Variants in EML6 observed in about 807,000 individuals in gnomAD.
The protein encoded by EML6 is EMAP like 6.
A neutral mutation model predicts 240.1 loss-of-function variants in EML6; 154 were observed. The observed-to-expected ratio is 0.64, with a 90% CI of 0.56 to 0.73. The LOEUF (loss-of-function observed/expected upper bound fraction) is 0.73. Among genes scored for constraint, EML6 ranks in the 30% least tolerant of loss-of-function variants. The pLI is 0.00. For missense variants in EML6, 2,964 were observed against 2,474.6 expected (o/e 1.20, Z -4.20); for synonymous variants, 1,148 against 899.0 (o/e 1.28, Z -4.95).
In EML6 at chr2:54,938,862, C is replaced by T. The variant is rs562270899; in HGVS notation, c.4005-10020C>T. 6.6e-5 allele frequency among the ~76,000 whole-genome samples: 10 copies of T among 152,198 alleles called. No individual in the cohort carries two copies. In the East Asian group the frequency reaches 1.2e-3, roughly 18 times the overall value. On this transcript the variant is annotated intron_variant, in intron 28 of 41. Transcript: ENST00000356458. ...TTTCTGAGGGCTTTATTTTTGGTTT[C>T]CGTATTATCTCATTTCTGTTGGTGG...
intron 26 of EML6, among the ~76,000 whole-genome samples, chr2:54,919,090 G>A (rs1284197491): frequency 2.6e-5 from 4 of 152,082 alleles, no homozygotes; most frequent in African/African-American, 4.8e-5. Flanking sequence ...CTGTGGTCAC[G>A]TTTGAAGGCA....
chr2:54,947,511 C>A (rs1191286992), intron 28 of EML6, among the ~76,000 whole-genome samples: 1 of 152,070 alleles, frequency 6.6e-6, no homozygotes, highest in Non-Finnish European at 1.5e-5. Context: ...AAAAGAACCC[C>A]CGCAAGCCAT....
Position 54,861,774 on chromosome 2 carries a change from T to G in EML6, c.1826-2009T>G, listed in dbSNP as rs374416348. On this transcript the variant is annotated intron_variant, in intron 12 of 41. Coordinates refer to ENST00000356458, the MANE Select transcript of EML6 (RefSeq NM_001039753.4). The stretch of plus-strand genomic sequence containing the variant: ...GAGATAGGGAGAGGTTTTTTGTTTT[T>G]TTTTTTTTTTTAATCTAATGCACAG... 5.2e-3 allele frequency among the ~76,000 whole-genome samples: 776 copies of G among 150,290 alleles called. 5 individuals are homozygous for G. Among genetic ancestry groups the G allele is most frequent in the Middle Eastern group, 0.031 (9 of 292 alleles).
rs771937819 is a variant in EML6 at position 54,850,197 on chromosome 2, C to G, written c.1423C>G (p.Arg475Gly). The change falls in exon 10 of 42, where the codon CGA (arginine) becomes GGA (glycine). Residue 475 changes from arginine to glycine, a missense_variant. Arg to Gly is a moderately radical substitution (Grantham distance 125). Coordinates refer to ENST00000356458, the MANE Select transcript of EML6 (RefSeq NM_001039753.4). ...YLQTNDGAGE[R>G]LFYRMPSGKP... ...ACAAACTAATGACGGTGCAGGAGAA[C>G]GATTGTTCTACAGAATGCCATGTAA... 2.6e-6 allele frequency: 4 copies of G among 1,551,432 alleles called. No individual in the cohort carries two copies. The highest frequency in any genetic ancestry group is 3.5e-6 in the Non-Finnish European group (4 of 1,146,930).
intron 40 of EML6, among the ~76,000 whole-genome samples, 185 bp from the exon 41 acceptor site, chr2:54,968,483 G>C (rs1018528553): frequency 1.3e-4 from 20 of 152,182 alleles, no homozygotes; most frequent in African/African-American, 2.4e-4. Context: ...AAAATGACCT[G>C]AAGTGGGGCA....
intron 26 of EML6, among the ~76,000 whole-genome samples, chr2:54,926,238 A>AT: frequency 6.6e-6 from 1 of 152,200 alleles, no homozygotes; most frequent in East Asian, 1.9e-4. Context: ...AGTAGCTTGG[A>AT]TTACAGGCAT....
Position 54,892,568 on chromosome 2 carries a change from G to A in EML6, c.2654G>A (p.Gly885Glu). 2 of 1,551,600 alleles carry A rather than the reference G, an allele frequency of 1.3e-6. No homozygotes were observed. The highest frequency in any genetic ancestry group is 1.7e-6 in the Non-Finnish European group (2 of 1,146,794). The change falls in exon 19 of 42, where the codon GGA becomes GAA. Residue 885 changes from glycine (G) to glutamate (E), a missense_variant. By Grantham distance (98) the Gly-to-Glu change is moderately conservative. Coordinates refer to ENST00000356458, the MANE Select transcript of EML6 (RefSeq NM_001039753.4). ...EDLVFSGAAT[G>E]DIFIWKDILL... ...CTAGTGTTCTCAGGAGCAGCTACTG[G>A]AGATATTTTTATTTGGAAAGACATT...
chr2:54,959,257 A>T lies in EML6; in HGVS notation c.4849A>T (p.Arg1617Trp). The part of the protein sequence containing the change: ...DGLIVTGGKE[R>W]PTKEGGAVKL... ...ACTCATAGTGACCGGCGGAAAAGAG[A>T]GGCCGTAAGCCAAAGCTCCTATGGA... Residue 1617 changes from arginine to tryptophan, a missense_variant, in exon 34 of 42, where the codon AGG (arginine) becomes TGG (tryptophan). By Grantham distance (101) the Arg-to-Trp change is moderately radical. Coordinates refer to ENST00000356458, the MANE Select transcript of EML6 (RefSeq NM_001039753.4). 1 of 1,527,904 alleles carries T rather than the reference A, an allele frequency of 6.5e-7. No individual in the cohort carries two copies. Among genetic ancestry groups the T allele is most frequent in the Non-Finnish European group, 8.8e-7 (1 of 1,134,596 alleles). The allele number at this position is 1,527,904 out of a possible 1,614,324, so 94.6% of individuals were successfully genotyped here.
intron 2 of EML6, among the ~76,000 whole-genome samples, chr2:54,740,070 T>A (rs1683563747): frequency 6.6e-6 from 1 of 152,044 alleles, no homozygotes; most frequent in Non-Finnish European, 1.5e-5. Flanking sequence ...AGCTTCAGGG[T>A]CAGGGGAGAT....
At chr2:54,849,108 T>G (rs1669929737) in intron 9 of EML6, among the ~76,000 whole-genome samples, 1 of 152,204 alleles carries the variant, frequency 6.6e-6, no homozygotes, top group African/African-American at 2.4e-5. Context: ...TAGTTAAACA[T>G]GAAAGCAAAT....
chr2:54,759,991 C>G (rs1667907996), intron 2 of EML6, among the ~76,000 whole-genome samples: 1 of 151,410 alleles, frequency 6.6e-6, no homozygotes, highest in African/African-American at 2.4e-5. Context: ...TTATACACAG[C>G]AGGATCAAGA....
chr2:54,903,618 C>T, intron 24 of EML6, 116 bp downstream of exon 24: 1 of 548,680 alleles, frequency 1.8e-6, no homozygotes, highest in South Asian at 2.2e-5. Context: ...GGGAATCCCA[C>T]AACAATATAA....
At chr2:54,959,762 CAAAAT>C (rs1426075408) in intron 34 of EML6, among the ~76,000 whole-genome samples, 3 of 152,016 alleles carry the variant, frequency 2.0e-5, no homozygotes, top group African/African-American at 7.3e-5. Flanking sequence ...AACTCCATCT[CAAAAT>C]AAATTAATAA....
chr2:54,801,319 GAAA>G (rs35189000), intron 2 of EML6, among the ~76,000 whole-genome samples: 7 of 94,944 alleles, frequency 7.4e-5, no homozygotes, highest in African/African-American at 2.1e-4. Flanking sequence ...TGTCTCAAAA[GAAA>G]AAAAAAAAAA....
intron 17 of EML6, chr2:54,879,878 C>T (rs781592414): frequency 1.8e-5 from 9 of 500,442 alleles, no homozygotes; most frequent in East Asian, 6.7e-5. Context: ...AGTCATTCAC[C>T]GCTTCATTTT....
chr2:54,838,768 C>A (rs1669285247), intron 7 of EML6, among the ~76,000 whole-genome samples: 1 of 152,140 alleles, frequency 6.6e-6, no homozygotes, highest in South Asian at 2.1e-4. Flanking sequence ...CAAGCATAGG[C>A]CCAAGCTCCA....
chr2:54,847,520 C>T lies in EML6; in HGVS notation c.1084C>T (p.Arg362Cys), dbSNP rs922176883. The T allele has an allele frequency of 5.2e-6, 8 of 1,551,924 alleles. No individual in the cohort carries two copies. The highest frequency in any genetic ancestry group is 4.1e-5 in the African/African-American group (3 of 73,130). The change falls in exon 9 of 42, where the codon CGC becomes TGC. Residue 362 changes from arginine (R) to cysteine (C), a missense_variant. By Grantham distance (180) the Arg-to-Cys change is radical. Coordinates refer to ENST00000356458, the MANE Select transcript of EML6 (RefSeq NM_001039753.4). Reference protein sequence around the residue: ...WSLADHALIARCNMEEAVRSV... With the variant: ...WSLADHALIACCNMEEAVRSV... ...CCTGGCTGATCATGCCTTGATCGCC[C>T]GCTGTAACATGGAAGAGGCGGTTCG...
chr2:54,724,100 TG>T lies in EML6; in HGVS notation c.-514+324del, dbSNP rs1682801536. The stretch of plus-strand genomic sequence containing the variant: ...TGATTTCTCCTCGACCAGGAGCGTT[TG>T]TAGGTAGCGCACTCCCTCCGACTGC... On this transcript the variant is annotated intron_variant, in intron 1 of 41. Transcript: ENST00000356458. This position sits in a 1 kb window ranked among gnomAD's most constrained non-coding sequence, Gnocchi z 5.2. Among the ~76,000 whole-genome samples, 1 of 152,208 alleles carries T rather than the reference TG, an allele frequency of 6.6e-6. No individual in the cohort carries two copies. Among genetic ancestry groups the T allele is most frequent in the East Asian group, 1.9e-4 (1 of 5,188 alleles).
chr2:54,888,480 C>T (rs1028404939), intron 17 of EML6, among the ~76,000 whole-genome samples: 18 of 152,282 alleles, frequency 1.2e-4, no homozygotes, highest in African/African-American at 4.1e-4. Flanking sequence ...TTTCACTGCC[C>T]TAAAAGTTCT....
Sources: gnomAD v4.1 joint callset for allele counts (sites outside exome capture counted in the v4.1 genomes callset) on GRCh38, gnomAD v4.1.1 for gene constraint, Gnocchi (gnomAD v3.1) non-coding constraint, MANE v1.5 for transcripts, NCBI Gene and HGNC (gene_info 2026-07-23, HGNC 2026-07-21) for gene names.